TMEM44: variants seen among roughly 807,000 people sequenced by gnomAD.
TMEM44 encodes the protein transmembrane protein 44.
A neutral mutation model predicts 47.8 loss-of-function variants in TMEM44; 43 were observed. The observed-to-expected ratio is 0.90, with a 90% confidence interval of 0.70 to 1.16. TMEM44 has a LOEUF of 1.16. TMEM44 is among the 50% of genes most tolerant of loss of function. The probability of loss-of-function intolerance (pLI) is 0.00; values close to 1 mark genes in which losing one functional copy is unlikely to be tolerated. For missense variants in TMEM44, 568 were observed against 555.2 expected (o/e 1.02, Z -0.23); for synonymous variants, 277 against 238.8 (o/e 1.16, Z -1.48).
chr3:194,610,728 A>G (rs115669858), intron 8 of TMEM44, among the ~76,000 whole-genome samples, 188 bp downstream of exon 8: 195 of 152,206 alleles, frequency 1.3e-3, no homozygotes, highest in African/African-American at 4.5e-3. Flanking sequence ...GACAGGGAAA[A>G]TATTTTTCTC....
intron 7 of TMEM44, among the ~76,000 whole-genome samples, chr3:194,614,772 G>A (rs1341003460): frequency 6.6e-6 from 1 of 152,196 alleles, no homozygotes; most frequent in Admixed American, 6.5e-5. Context: ...CTACCAGTAA[G>A]TAAATTATTC....
At chr3:194,589,854 G>A (rs961800410) in intron 9 of TMEM44, 2 of 152,044 alleles carry the variant, frequency 1.3e-5, no homozygotes, top group African/African-American at 4.8e-5. Flanking sequence ...TGGGGCCTCA[G>A]TTTCCCCATG....
chr3:194,608,411 C>T (rs898610077), intron 8 of TMEM44, among the ~76,000 whole-genome samples: 1 of 152,220 alleles, frequency 6.6e-6, no homozygotes, highest in African/African-American at 2.4e-5. Context: ...GAGCCCAGGA[C>T]TGCAAGGTTA....
chr3:194,603,448 A>G (rs1220134907), intron 9 of TMEM44, among the ~76,000 whole-genome samples: 2 of 152,044 alleles, frequency 1.3e-5, no homozygotes, highest in African/African-American at 2.4e-5. Flanking sequence ...GCTAAGCTGG[A>G]GTGCAGTGGC....
intron 8 of TMEM44, among the ~76,000 whole-genome samples, chr3:194,610,399 A>G (rs1220570097): frequency 6.6e-6 from 1 of 152,146 alleles, no homozygotes; most frequent in Non-Finnish European, 1.5e-5. Context: ...AGCAGAAGCT[A>G]TTAACCTCCC....
chr3:194,611,112 C>T lies in TMEM44; in HGVS notation c.913-92G>A. On this transcript the variant is annotated intron_variant, in intron 7 of 9. Transcript: ENST00000347147. This position sits in a 1 kb window ranked among gnomAD's most constrained non-coding sequence, Gnocchi z 4.2. ...AGGTCACATTTTATTCAAAAGGACCCCCGTGGTATTTTCTCTCTCTCTTTT... is the reference window on the plus strand; with the variant it reads ...AGGTCACATTTTATTCAAAAGGACCTCCGTGGTATTTTCTCTCTCTCTTTT... 1.0e-6 allele frequency: 1 copy of T among 998,390 alleles called. No homozygotes were observed. 61.8% of individuals were successfully genotyped at this position (998,390 alleles called of 1,614,324 possible).
At chr3:194,621,248 T>C (rs999616013) in intron 5 of TMEM44, among the ~76,000 whole-genome samples, 2 of 152,176 alleles carry the variant, frequency 1.3e-5, no homozygotes, top group African/African-American at 2.4e-5. Flanking sequence ...TACCCGAACC[T>C]GGGAGAGGAG....
intron 7 of TMEM44, among the ~76,000 whole-genome samples, chr3:194,612,766 G>A (rs7610947): frequency 0.38 from 57,697 of 151,908 alleles, 11,778 homozygotes; most frequent in East Asian, 0.78. Flanking sequence ...CTGGGTTCAC[G>A]CCATTCTCCT....
chr3:194,607,057 C>A (rs970029840), intron 8 of TMEM44, among the ~76,000 whole-genome samples: 1 of 152,062 alleles, frequency 6.6e-6, no homozygotes, highest in Non-Finnish European at 1.5e-5. Flanking sequence ...TTGGCCCCAG[C>A]GTGTCTCATG....
In TMEM44 at chr3:194,628,524, G is replaced by T; in HGVS notation, c.138-15C>A. 1.2e-6 allele frequency: 2 copies of T among 1,607,680 alleles called. No individual in the cohort carries two copies. Among genetic ancestry groups the T allele is most frequent in the Non-Finnish European group, 1.7e-6 (2 of 1,176,328 alleles). On this transcript the variant is annotated splice_polypyrimidine_tract_variant and intron_variant, in intron 1 of 9. Coordinates refer to ENST00000347147, the MANE Select transcript of TMEM44 (RefSeq NM_001011655.3). Reference sequence around the variant, plus strand: ...GATAGAGAAGCCTGGGGTGACAGGGGTGTGGACAGAACACAGCAACTGTGA... The same window carrying T: ...GATAGAGAAGCCTGGGGTGACAGGGTTGTGGACAGAACACAGCAACTGTGA...
At chr3:194,605,758 T>G (rs1714709405) in intron 8 of TMEM44, among the ~76,000 whole-genome samples, 1 of 152,196 alleles carries the variant, frequency 6.6e-6, no homozygotes, top group South Asian at 2.1e-4. Context: ...TGAGTCTCAG[T>G]TTCCTCATCT....
intron 9 of TMEM44, among the ~76,000 whole-genome samples, chr3:194,593,801 T>C (rs1713043385): frequency 2.0e-5 from 3 of 152,022 alleles, no homozygotes. Context: ...CATTTTTCAT[T>C]AAAAAAAATC....
At chr3:194,617,665 C>T (rs1308048022) in intron 5 of TMEM44, 10 of 703,954 alleles carry the variant, frequency 1.4e-5, no homozygotes, top group Non-Finnish European at 2.3e-5. Context: ...TGACGCTGGG[C>T]AGCGGCTCGC....
At chr3:194,600,423 A>G (rs928760347) in intron 9 of TMEM44, among the ~76,000 whole-genome samples, 16 of 144,862 alleles carry the variant, frequency 1.1e-4, no homozygotes, top group Admixed American at 4.1e-4. Flanking sequence ...GTGAGCCACC[A>G]TGCCCAGCCC....
chr3:194,598,288 CAG>C (rs1481538926), intron 9 of TMEM44, among the ~76,000 whole-genome samples: 2 of 152,150 alleles, frequency 1.3e-5, no homozygotes, highest in Admixed American at 1.3e-4. Flanking sequence ...TCCTTGAGAA[CAG>C]AGTCAGAGCA....
chr3:194,617,358 C>T, intron 5 of TMEM44, 89 bp from the exon 6 acceptor site: 1 of 1,382,908 alleles, frequency 7.2e-7, no homozygotes, highest in Non-Finnish European at 9.6e-7. Flanking sequence ...GCGGGGCAAG[C>T]CCTCTGCCTG....
intron 5 of TMEM44, among the ~76,000 whole-genome samples, chr3:194,619,816 G>A (rs1716327383): frequency 6.6e-6 from 1 of 152,128 alleles, no homozygotes; most frequent in Non-Finnish European, 1.5e-5. Flanking sequence ...CTAGAAATAC[G>A]GCATGTTTCC....
intron 8 of TMEM44, among the ~76,000 whole-genome samples, chr3:194,609,725 C>T (rs2109181287): frequency 6.6e-6 from 1 of 152,218 alleles, no homozygotes; most frequent in East Asian, 1.9e-4. Flanking sequence ...TCCCAACTCG[C>T]TCAACTCTGT....
At chr3:194,623,494 T>C in intron 4 of TMEM44, 35 bp downstream of exon 4, 1 of 1,552,748 alleles carries the variant, frequency 6.4e-7, no homozygotes, top group Non-Finnish European at 8.7e-7. Context: ...GGACATGCAG[T>C]ACCCCGAGTC....
Sources: gnomAD v4.1 joint callset for allele counts (sites outside exome capture counted in the v4.1 genomes callset) on GRCh38, gnomAD v4.1.1 for gene constraint, Gnocchi (gnomAD v3.1) non-coding constraint, MANE v1.5 for transcripts, NCBI Gene and HGNC (gene_info 2026-07-23, HGNC 2026-07-21) for gene names.